Variants in WDR19 observed in about 807,000 individuals in gnomAD.
WDR19 encodes the protein WD repeat domain 19.
Under a neutral mutation model 180.0 loss-of-function variants are expected in WDR19, and 121 were observed. The observed-to-expected ratio is 0.67, with a 90% CI of 0.58 to 0.78. The LOEUF (loss-of-function observed/expected upper bound fraction) is 0.78. Ranked by LOEUF, WDR19 falls within the 30% of genes least tolerant of loss-of-function variation. The pLI, the probability that WDR19 is intolerant of heterozygous loss-of-function variation, is 0.00. For missense variants in WDR19, 1,450 were observed against 1,640.7 expected, an observed-to-expected ratio of 0.88 and a Z score of 2.01; for synonymous variants, 497 against 540.7, an observed-to-expected ratio of 0.92 and a Z score of 1.12.
In WDR19 at chr4:39,224,680, G is replaced by T. The variant is rs1240380187; in HGVS notation, c.1480-204G>T. Among the ~76,000 whole-genome samples, 6 of 152,182 alleles carry T rather than the reference G, an allele frequency of 3.9e-5. No individual in the cohort carries two copies. In the East Asian group the frequency reaches 1.2e-3, roughly 29 times the overall value. On this transcript the variant is annotated intron_variant, in intron 14 of 36. Coordinates refer to ENST00000399820, the MANE Select transcript of WDR19 (RefSeq NM_025132.4). ...CAAAGTGCTGGGATTACAGGCAAGA[G>T]CCACTGCGCCCAGCTTTTCCCATTT...
Position 39,214,757 on chromosome 4 carries a change from C to T in WDR19, c.961+86C>T, listed in dbSNP as rs1317349346. ...TGTTTGTTATCGTGTGATTTGCATTCGTTGTAGGAGGAATAATTTTTTTTT... is the reference window on the plus strand; with the variant it reads ...TGTTTGTTATCGTGTGATTTGCATTTGTTGTAGGAGGAATAATTTTTTTTT... On this transcript the variant is annotated intron_variant, in intron 10 of 36. Transcript: ENST00000399820. 1.1e-5 allele frequency: 9 copies of T among 799,924 alleles called. No homozygotes were observed. The East Asian group carries it at 1.6e-4, about 14-fold the overall frequency. 49.6% of individuals were successfully genotyped at this position (799,924 alleles called of 1,614,324 possible).
intron 32 of WDR19, chr4:39,273,713 A>G (rs1031072849): frequency 2.0e-5 from 3 of 152,238 alleles, no homozygotes; most frequent in Non-Finnish European, 4.4e-5. Flanking sequence ...TCAGGCCTGC[A>G]CACACAAGTA....
intron 17 of WDR19, among the ~76,000 whole-genome samples, chr4:39,231,526 G>T (rs1730859578): frequency 6.6e-6 from 1 of 152,098 alleles, no homozygotes; most frequent in African/African-American, 2.4e-5. Context: ...GAAATAAAAA[G>T]AAATAAATGA....
chr4:39,208,548 C>T (rs1728187117), intron 9 of WDR19, among the ~76,000 whole-genome samples: 3 of 152,026 alleles, frequency 2.0e-5, no homozygotes, highest in Admixed American at 2.0e-4. Context: ...AGTGATCCAC[C>T]CGCCTTAGCC....
intron 29 of WDR19, 109 bp downstream of exon 29, chr4:39,266,249 C>T (rs1224237090): frequency 1.1e-6 from 1 of 943,266 alleles, no homozygotes; most frequent in African/African-American, 1.7e-5. Context: ...AATTTTCTCT[C>T]TGCCAGTAGT....
chr4:39,182,710 CGGG>C, intron 1 of WDR19, 147 bp downstream of exon 1: 9 of 1,287,584 alleles, frequency 7.0e-6, no homozygotes, highest in Non-Finnish European at 9.6e-6. Flanking sequence ...CCAGAGAGAG[CGGG>C]GGCGAAGCTG....
chr4:39,182,694 AGG>A, intron 1 of WDR19, 131 bp downstream of exon 1: 1 of 1,295,718 alleles, frequency 7.7e-7, no homozygotes, highest in Non-Finnish European at 1.1e-6. Context: ...AGAGAGAGAG[AGG>A]TGGCCAGAGA....
chr4:39,234,767 T>A lies in WDR19; in HGVS notation c.2255T>A (p.Met752Lys), dbSNP rs1247355854. The change falls in exon 20 of 37, where the codon ATG becomes AAG. Residue 752 changes from methionine to lysine, a missense_variant and splice_region_variant. By Grantham distance (95) the Met-to-Lys change is moderately conservative (BLOSUM62 -1). Coordinates refer to ENST00000399820, the MANE Select transcript of WDR19 (RefSeq NM_025132.4). ...TTAAGGTCTTTCTCTTCTTAACAGA[T>A]GAGAAGGGATTTACAGCATTGGGAC... ...ASSCPIAALE[M>K]RRDLQHWDSA... 6 of 1,564,596 alleles carry A rather than the reference T, an allele frequency of 3.8e-6. No homozygotes were observed. The highest frequency in any genetic ancestry group is 5.2e-6 in the Non-Finnish European group (6 of 1,150,372).
At chr4:39,248,789 A>C (rs1023640338) in intron 24 of WDR19, among the ~76,000 whole-genome samples, 48 of 152,268 alleles carry the variant, frequency 3.2e-4, no homozygotes, top group African/African-American at 1.1e-3. Flanking sequence ...GGATCAATTC[A>C]ACAAGAAGAA....
At chr4:39,270,895 A>T (rs1578043092) in intron 31 of WDR19, among the ~76,000 whole-genome samples, 1 of 136,938 alleles carries the variant, frequency 7.3e-6, no homozygotes, top group African/African-American at 2.7e-5. Context: ...ATAGAAAAGA[A>T]TTTTTTTTTT....
At chr4:39,220,528 C>CT (rs34613717) in intron 14 of WDR19, among the ~76,000 whole-genome samples, 133 of 92,016 alleles carry the variant, frequency 1.4e-3, no homozygotes, top group African/African-American at 5.5e-3. Context: ...TCTTCTTCTT[C>CT]TTTTTTTTTT....
rs1163694118 is a variant in WDR19 at position 39,257,529 on chromosome 4, T to C, written c.3158T>C (p.Val1053Ala). 3.8e-6 allele frequency: 6 copies of C among 1,590,416 alleles called. No homozygotes were observed. The highest frequency in any genetic ancestry group is 8.6e-7 in the Non-Finnish European group (1 of 1,167,438). Residue 1053 changes from valine (V) to alanine (A), a missense_variant, in exon 28 of 37, where the codon GTG becomes GCG. Val to Ala is a moderately conservative substitution (Grantham distance 64, BLOSUM62 0). Transcript: ENST00000399820. ...FLKCPSSEDN[V>A]AIEMAIETVG... ...AAATGCCCAAGCTCGGAAGATAATG[T>C]GGCAATAGAAATGGCAATTGAAACT...
At chr4:39,277,900 A>C (rs1736059431) in intron 34 of WDR19, among the ~76,000 whole-genome samples, 1 of 152,144 alleles carries the variant, frequency 6.6e-6, no homozygotes, top group Non-Finnish European at 1.5e-5. Context: ...CTTAAAACAC[A>C]AAAATTAGCC....
At chr4:39,230,222 T>C (rs557196411) in intron 17 of WDR19, among the ~76,000 whole-genome samples, 3 of 152,168 alleles carry the variant, frequency 2.0e-5, no homozygotes, top group Non-Finnish European at 4.4e-5. Flanking sequence ...CCCTCTCTGT[T>C]CCACTGGCTG....
chr4:39,183,775 A>T (rs1440140216), intron 1 of WDR19, among the ~76,000 whole-genome samples: 1 of 152,232 alleles, frequency 6.6e-6, no homozygotes, highest in African/African-American at 2.4e-5. Flanking sequence ...ACAGCTAATA[A>T]GCTACAAACA....
intron 27 of WDR19, among the ~76,000 whole-genome samples, 189 bp from the exon 28 acceptor site, chr4:39,257,297 C>T (rs1733856566): frequency 6.6e-6 from 1 of 152,120 alleles, no homozygotes; most frequent in Non-Finnish European, 1.5e-5. Flanking sequence ...TTAACTGGGT[C>T]CTTCCATTTT....
intron 33 of WDR19, 25 bp downstream of exon 33, chr4:39,274,983 T>C (rs1391024308): frequency 6.3e-7 from 1 of 1,597,014 alleles, no homozygotes; most frequent in Admixed American, 1.7e-5. Context: ...CTATTTCTGC[T>C]ATCTAATCGT....
Position 39,205,179 on chromosome 4 carries a change from C to G in WDR19, c.629C>G (p.Thr210Ser). ...SMISVVLGKK[T>S]LFFLNLNEPD... Reference sequence around the variant, plus strand: ...ATAAGTGTGGTGCTTGGCAAGAAAACTTTGTTTTTTTTAAATCTGAATGAA... The same window carrying G: ...ATAAGTGTGGTGCTTGGCAAGAAAAGTTTGTTTTTTTTAAATCTGAATGAA... Residue 210 changes from threonine to serine, a missense_variant, in exon 8 of 37, where the codon ACT becomes AGT. Transcript: ENST00000399820. 1.3e-6 allele frequency: 2 copies of G among 1,595,150 alleles called. No individual in the cohort carries two copies. Among genetic ancestry groups the G allele is most frequent in the Non-Finnish European group, 1.7e-6 (2 of 1,170,164 alleles).
intron 10 of WDR19, among the ~76,000 whole-genome samples, chr4:39,215,463 G>A (rs1186439454): frequency 6.6e-6 from 1 of 152,114 alleles, no homozygotes; most frequent in Non-Finnish European, 1.5e-5. Context: ...ATGCCATACA[G>A]GCTTATAGCC....
Sources: gnomAD v4.1 joint callset for allele counts (sites outside exome capture counted in the v4.1 genomes callset) on GRCh38, gnomAD v4.1.1 for gene constraint, MANE v1.5 for transcripts, NCBI Gene and HGNC (gene_info 2026-07-23, HGNC 2026-07-21) for gene names.